Variants in MYT1L observed in about 807,000 individuals in gnomAD.
MYT1L encodes the protein myelin transcription factor 1 like, also known as myelin transcription factor 1-like protein.
MYT1L carries 12 observed loss-of-function variants against 126.7 expected under a neutral mutation model. That is an observed-to-expected ratio of 0.09 (90% CI 0.06 to 0.15). The LOEUF is 0.15. Ranked by LOEUF, MYT1L falls within the 10% of genes least tolerant of loss-of-function variation. The pLI, the probability that MYT1L is intolerant of heterozygous loss-of-function variation, is 1.00. For synonymous variants in MYT1L, 541 were observed against 604.2 expected (o/e 0.90, Z 1.53); for missense variants, 979 against 1,585.2 (o/e 0.62, Z 6.49).
At chr2:2,142,074 T>C (rs2084065257) in intron 3 of MYT1L, among the ~76,000 whole-genome samples, 1 of 152,198 alleles carries the variant, frequency 6.6e-6, no homozygotes. Flanking sequence ...TACCTTTTCT[T>C]GAAAGATCAA....
intron 4 of MYT1L, among the ~76,000 whole-genome samples, chr2:2,027,449 G>A (rs1379311719): frequency 6.6e-6 from 1 of 152,198 alleles, no homozygotes; most frequent in Non-Finnish European, 1.5e-5. Context: ...GCTGCCGGAT[G>A]ACCCCCGGCC....
chr2:2,022,889 A>G (rs963737178), intron 4 of MYT1L, among the ~76,000 whole-genome samples: 13 of 152,242 alleles, frequency 8.5e-5, no homozygotes, highest in African/African-American at 3.1e-4. Flanking sequence ...TTCATCTTAA[A>G]TAACTACTTT....
At chr2:1,985,818 C>A (rs1156399603) in intron 5 of MYT1L, among the ~76,000 whole-genome samples, 1 of 152,166 alleles carries the variant, frequency 6.6e-6, no homozygotes, top group African/African-American at 2.4e-5. Flanking sequence ...ACAGAGCCAA[C>A]TTGTGAGAGT....
rs140345834 is a variant in MYT1L, at chr2:1,970,746, G to C, written c.152+8419C>G. ...ATCCCCACATGGATGAGGGTGGTGA[G>C]AACTGAACTGTGGTGTTTCAGTGGG... On this transcript the variant is annotated intron_variant, in intron 8 of 24. Coordinates refer to ENST00000647738, the MANE Select transcript of MYT1L (RefSeq NM_001303052.2). 3.2e-3 allele frequency among the ~76,000 whole-genome samples: 480 copies of C among 152,300 alleles called. 7 individuals carry two copies. Among genetic ancestry groups the C allele is most frequent in the Admixed American group, 0.026 (391 of 15,302 alleles).
chr2:2,055,310 A>G (rs974304513), intron 3 of MYT1L, among the ~76,000 whole-genome samples: 1 of 152,218 alleles, frequency 6.6e-6, no homozygotes, highest in Non-Finnish European at 1.5e-5. Flanking sequence ...AGTTCAAAGG[A>G]TAGCAAATAA....
In MYT1L at chr2:1,793,612, C is replaced by G. The variant is rs534565644; in HGVS notation, c.3277-1148G>C. On this transcript the variant is annotated intron_variant, in intron 23 of 24. Coordinates refer to ENST00000647738, the MANE Select transcript of MYT1L (RefSeq NM_001303052.2). The surrounding 1 kb of genome is among the most constrained non-coding windows in gnomAD (Gnocchi z 4.6). ...CCAGTCACCAGCCTCAGGCCCAGACCCTCTGTTAGAAAACTGAAGCACCTC... is the reference window on the plus strand; with the variant it reads ...CCAGTCACCAGCCTCAGGCCCAGACGCTCTGTTAGAAAACTGAAGCACCTC... 3.9e-4 allele frequency among the ~76,000 whole-genome samples: 59 copies of G among 152,268 alleles called. No homozygotes were observed. In the East Asian group the frequency reaches 8.9e-3, roughly 23 times the overall value.
intron 14 of MYT1L, 51 bp downstream of exon 14, chr2:1,903,029 A>T (rs1053502882): frequency 9.2e-6 from 14 of 1,519,800 alleles, no homozygotes; most frequent in African/African-American, 1.4e-5. Flanking sequence ...CACAACAACA[A>T]CATCATCAAT....
intron 5 of MYT1L, among the ~76,000 whole-genome samples, chr2:1,986,536 T>A (rs1341477640): frequency 6.6e-6 from 1 of 152,204 alleles, no homozygotes; most frequent in Non-Finnish European, 1.5e-5. Context: ...TTCGAAGATG[T>A]CTACAGGGTA....
At chr2:2,007,543 C>T (rs2063449839) in intron 4 of MYT1L, among the ~76,000 whole-genome samples, 1 of 152,194 alleles carries the variant, frequency 6.6e-6, no homozygotes, top group African/African-American at 2.4e-5. Context: ...GAGTTGCTAC[C>T]TGTGGAGATA....
At chr2:2,226,678 C>G (rs1412057143) in intron 2 of MYT1L, among the ~76,000 whole-genome samples, 1 of 152,146 alleles carries the variant, frequency 6.6e-6, no homozygotes, top group African/African-American at 2.4e-5. Flanking sequence ...TCAACTCATC[C>G]AGGCTCATCT....
At chr2:1,949,645 A>G (rs554660446) in intron 8 of MYT1L, among the ~76,000 whole-genome samples, 1 of 152,322 alleles carries the variant, frequency 6.6e-6, no homozygotes, top group South Asian at 2.1e-4. Context: ...CAATTTTAAT[A>G]TAAACAGGGA....
intron 2 of MYT1L, among the ~76,000 whole-genome samples, chr2:2,280,976 T>G (rs2095438992): frequency 6.6e-6 from 1 of 152,190 alleles, no homozygotes; most frequent in Non-Finnish European, 1.5e-5. Context: ...AGGGTTTGTT[T>G]TATACCAAAT....
chr2:1,902,627 GTGCGTGCAAGGC>G (rs2148955276), intron 14 of MYT1L: 3 of 159,572 alleles, frequency 1.9e-5, no homozygotes, highest in Non-Finnish European at 4.1e-5. Flanking sequence ...TGGTTCTCAT[GTGCGTGCAAGGC>G]TGAGAACACC....
rs147899790 is a variant in MYT1L, at chr2:1,945,282, G to A, written c.153-1948C>T. 1.5e-3 allele frequency among the ~76,000 whole-genome samples: 236 copies of A among 152,336 alleles called. 4 individuals are homozygous for A. Among genetic ancestry groups the A allele is most frequent in the African/African-American group, 5.4e-3 (223 of 41,574 alleles). The stretch of plus-strand genomic sequence containing the variant: ...CAATTAAAATGCATGTTGGATAGGT[G>A]CGAAGCGGAGGACAGAAGAGAGGAG... On this transcript the variant is annotated intron_variant, in intron 8 of 24. Transcript: ENST00000647738.
chr2:2,207,705 A>T (rs1291226473), intron 2 of MYT1L, among the ~76,000 whole-genome samples: 2 of 152,196 alleles, frequency 1.3e-5, no homozygotes, highest in Non-Finnish European at 2.9e-5. Flanking sequence ...TCAGGATCTG[A>T]TGCAGGCTGT....
At chr2:2,038,070 T>C (rs1321104560) in intron 4 of MYT1L, among the ~76,000 whole-genome samples, 1 of 152,210 alleles carries the variant, frequency 6.6e-6, no homozygotes, top group African/African-American at 2.4e-5. Flanking sequence ...AGACGTAGCA[T>C]GGGTTCATTT....
chr2:2,255,267 AC>A (rs1458572223), intron 2 of MYT1L, among the ~76,000 whole-genome samples: 1 of 151,770 alleles, frequency 6.6e-6, no homozygotes, highest in Non-Finnish European at 1.5e-5. Context: ...GTGATTTCTT[AC>A]CCCCCTAAAT....
intron 2 of MYT1L, among the ~76,000 whole-genome samples, chr2:2,208,523 G>A (rs1367444701): frequency 1.3e-5 from 2 of 152,096 alleles, no homozygotes; most frequent in African/African-American, 2.4e-5. Flanking sequence ...AGCCTCCTTT[G>A]CATATATGTA....
At chr2:2,088,722 G>A (rs1403544489) in intron 3 of MYT1L, among the ~76,000 whole-genome samples, 1 of 152,024 alleles carries the variant, frequency 6.6e-6, no homozygotes, top group Non-Finnish European at 1.5e-5. Flanking sequence ...TGTACCCAAA[G>A]AGACGCCATG....
Sources: allele counts gnomAD v4.1 joint callset (sites outside exome capture counted in the v4.1 genomes callset), GRCh38; gene constraint gnomAD v4.1.1; non-coding constraint Gnocchi (gnomAD v3.1); transcripts MANE v1.5; gene names NCBI Gene and HGNC (gene_info 2026-07-23, HGNC 2026-07-21).